PARD6G: variants seen among roughly 807,000 people sequenced by gnomAD.
PARD6G encodes the protein par-6 family cell polarity regulator gamma.
In PARD6G, 7 loss-of-function variants were observed where a neutral mutation model predicts 10.7. The ratio of observed to expected loss-of-function variants is 0.66; its 90% CI spans 0.37 to 1.23. The LOEUF (loss-of-function observed/expected upper bound fraction) is 1.23. Ranked by LOEUF, PARD6G falls within the 50% of genes most tolerant of loss-of-function variation. The pLI, the probability that PARD6G is intolerant of heterozygous loss-of-function variation, is 0.02. For synonymous variants in PARD6G, 287 were observed against 269.4 expected (o/e 1.07, Z -0.64); for missense variants, 548 against 571.8 (o/e 0.96, Z 0.42).
At chr18:80,222,967 C>A (rs1228898830) in intron 1 of PARD6G, among the ~76,000 whole-genome samples, 1 of 152,186 alleles carries the variant, frequency 6.6e-6, no homozygotes, top group African/African-American at 2.4e-5. Flanking sequence ...TGGGCTACTG[C>A]AGCTGGTAAT....
At chr18:80,163,130 A>G (rs1274374490) in intron 2 of PARD6G, among the ~76,000 whole-genome samples, 1 of 152,062 alleles carries the variant, frequency 6.6e-6, no homozygotes, top group Non-Finnish European at 1.5e-5. Flanking sequence ...CAAGAAGGCA[A>G]CCCCTCTGGC....
intron 2 of PARD6G, among the ~76,000 whole-genome samples, chr18:80,195,017 A>G (rs1198583039): frequency 7.4e-6 from 1 of 135,696 alleles, no homozygotes; most frequent in Non-Finnish European, 1.6e-5. Context: ...ACAGGAAACC[A>G]GCTCTGCCAG....
chr18:80,173,686 G>A (rs939613729), intron 2 of PARD6G, among the ~76,000 whole-genome samples: 1 of 152,072 alleles, frequency 6.6e-6, no homozygotes, highest in African/African-American at 2.4e-5. Context: ...GGCAAACACT[G>A]ATGCTTTTTT....
At chr18:80,214,511 G>A (rs1259528979) in intron 1 of PARD6G, among the ~76,000 whole-genome samples, 1 of 151,970 alleles carries the variant, frequency 6.6e-6, no homozygotes, top group African/African-American at 2.4e-5. Context: ...TACCAATGAA[G>A]AGATAACAAT....
intron 2 of PARD6G, chr18:80,187,799 C>G (rs2052888223): frequency 6.6e-6 from 1 of 152,232 alleles, no homozygotes; most frequent in African/African-American, 2.4e-5. Flanking sequence ...GGTCATCATG[C>G]AAACATCCTT....
chr18:80,179,819 T>C (rs2052838711), intron 2 of PARD6G, among the ~76,000 whole-genome samples: 1 of 152,252 alleles, frequency 6.6e-6, no homozygotes, highest in Admixed American at 6.5e-5. Context: ...GACACTGTTA[T>C]TATCAAAAGC....
At position 80,247,322 on chromosome 18, in the gene PARD6G, C is replaced by T; in HGVS notation, c.27G>A (p.Gln9=). 4 of 1,580,834 alleles carry T rather than the reference C, an allele frequency of 2.5e-6. No individual in the cohort carries two copies. Among genetic ancestry groups the T allele is most frequent in the South Asian group, 2.3e-5 (2 of 87,836 alleles). The change falls in exon 1 of 3, where the codon CAG becomes CAA. Residue 9 remains glutamine, a synonymous_variant. Transcript: ENST00000353265. This position sits in a 1 kb window ranked among gnomAD's most constrained non-coding sequence, Gnocchi z 4.2. ...CGCTGCAATCGTAGAATCGCAAGGTCTGAGACTTGTGAAAACTTCGGTTCA... is the reference window on the plus strand; with the variant it reads ...CGCTGCAATCGTAGAATCGCAAGGTTTGAGACTTGTGAAAACTTCGGTTCA... MNRSFHKS[Q]TLRFYDCSAV...
intron 2 of PARD6G, among the ~76,000 whole-genome samples, chr18:80,168,186 A>G (rs1028108514): frequency 6.6e-6 from 1 of 152,164 alleles, no homozygotes; most frequent in Non-Finnish European, 1.5e-5. Context: ...GTGAGAGAAC[A>G]CACAACCTCA....
intron 1 of PARD6G, among the ~76,000 whole-genome samples, chr18:80,219,990 T>C (rs1967211783): frequency 1.3e-5 from 2 of 152,176 alleles, no homozygotes; most frequent in Non-Finnish European, 1.5e-5. Flanking sequence ...TCACTCTCTG[T>C]GGTACCAATT....
rs1305208154 is a variant in PARD6G at position 80,160,377 on chromosome 18, G to A, written c.525C>T (p.Arg175=). The A allele has an allele frequency of 1.2e-6, 2 of 1,609,610 alleles. No homozygotes were observed. Among genetic ancestry groups the A allele is most frequent in the Non-Finnish European group, 1.7e-6 (2 of 1,178,884 alleles). Residue 175 remains arginine (R), a synonymous_variant, in exon 3 of 3, where the codon CGC becomes CGT. Transcript: ENST00000353265. ...GGGTCACGCGCACGCTGGCGCCATCGCGGATGTAGAAGCCCAGCGGCTTCT... is the reference window on the plus strand; with the variant it reads ...GGGTCACGCGCACGCTGGCGCCATCACGGATGTAGAAGCCCAGCGGCTTCT... ...GCEKPLGFYI[R]DGASVRVTPH...
chr18:80,195,562 T>TATATATATATATATATATATAC (rs1966946296), intron 2 of PARD6G, among the ~76,000 whole-genome samples: 2 of 110,772 alleles, frequency 1.8e-5, no homozygotes, highest in African/African-American at 4.2e-5. Context: ...TATATATATA[T>TATATATATATATATATATATAC]ATATATATAT....
In PARD6G at chr18:80,205,907, A is replaced by G. The variant is rs1329143875; in HGVS notation, c.73-2975T>C. 2.0e-5 allele frequency among the ~76,000 whole-genome samples: 3 copies of G among 152,352 alleles called. No homozygotes were observed. In the East Asian group the frequency reaches 5.8e-4, roughly 29 times the overall value. ...AGATAATTTAATCATGTCTAATGCA[A>G]CTAGTAAGAGTGTTTTTGAATTTTA... On this transcript the variant is annotated intron_variant, in intron 1 of 2. Transcript: ENST00000353265.
At chr18:80,220,365 C>T (rs1189734716) in intron 1 of PARD6G, among the ~76,000 whole-genome samples, 1 of 152,066 alleles carries the variant, frequency 6.6e-6, no homozygotes, top group South Asian at 2.1e-4. Context: ...GGGGACACAG[C>T]CAAACCATAT....
rs7407240 is a variant in PARD6G at position 80,159,381 on chromosome 18, T to C, written c.*390A>G. The C allele has an allele frequency of 0.9, 145,609 of 161,758 alleles. 65,830 individuals carry two copies. Among genetic ancestry groups the C allele is most frequent in the African/African-American group, 0.97 (40,603 of 41,952 alleles). 10.0% of individuals were successfully genotyped at this position (161,758 alleles called of 1,614,324 possible). On this transcript the variant is annotated 3_prime_UTR_variant, in exon 3 of 3. Transcript: ENST00000353265. ...AGAGAGCACAGCAAGAATGCTGAGA[T>C]ATGTTGCATGGGCCAACTTACTTAA...
chr18:80,210,938 T>C (rs1361635444), intron 1 of PARD6G, among the ~76,000 whole-genome samples: 3 of 135,748 alleles, frequency 2.2e-5, no homozygotes, highest in Admixed American at 8.7e-5. Context: ...TTTGAGTCAA[T>C]ACATTGAAGG....
At chr18:80,207,477 T>C (rs1967065048) in intron 1 of PARD6G, among the ~76,000 whole-genome samples, 1 of 152,236 alleles carries the variant, frequency 6.6e-6, no homozygotes, top group African/African-American at 2.4e-5. Flanking sequence ...CGAAAGATTC[T>C]TCAGATGTTT....
rs76620589 is a variant in PARD6G at position 80,163,523 on chromosome 18, G to A, written c.296-2917C>T. On this transcript the variant is annotated intron_variant, in intron 2 of 2. Transcript: ENST00000353265. ...GTCCCAGTTCACAGCCACCCATCCC[G>A]GGAGCCCCACCCCTGTTCCGCATGG... Among the ~76,000 whole-genome samples, 1,143 of 152,230 alleles carry A rather than the reference G, an allele frequency of 7.5e-3. 40 individuals carry two copies. The East Asian group carries it at 0.084, about 11-fold the overall frequency.
At chr18:80,171,219 C>G (rs999847472) in intron 2 of PARD6G, 2 of 152,290 alleles carry the variant, frequency 1.3e-5, no homozygotes, top group African/African-American at 4.8e-5. Context: ...AAAGAAGACT[C>G]TACCGTGCCC....
intron 2 of PARD6G, among the ~76,000 whole-genome samples, chr18:80,194,763 T>C (rs1234506314): frequency 6.6e-6 from 1 of 152,022 alleles, no homozygotes; most frequent in Non-Finnish European, 1.5e-5. Flanking sequence ...GTAAAGGATG[T>C]GAACTAGGAA....
Sources: allele counts gnomAD v4.1 joint callset (sites outside exome capture counted in the v4.1 genomes callset), GRCh38; gene constraint gnomAD v4.1.1; non-coding constraint Gnocchi (gnomAD v3.1); transcripts MANE v1.5; gene names NCBI Gene and HGNC (gene_info 2026-07-23, HGNC 2026-07-21).